The following L3MBTL4 variants were observed in gnomAD, a reference collection of about 807,000 sequenced individuals.
The protein encoded by L3MBTL4 is L3MBTL histone methyl-lysine binding protein 4.
L3MBTL4 carries 70 observed loss-of-function variants against 84.5 expected under a neutral mutation model. That is an observed-to-expected ratio of 0.83 (90% CI 0.68 to 1.01). The LOEUF is 1.01. Ranked by LOEUF, L3MBTL4 falls within the 50% of genes least tolerant of loss-of-function variation. The pLI is 0.00. For missense variants in L3MBTL4, 715 were observed against 754.8 expected, an observed-to-expected ratio of 0.95 and a Z score of 0.62; for synonymous variants, 274 against 259.8, an observed-to-expected ratio of 1.05 and a Z score of -0.52.
chr18:5,990,268 C>T (rs1163642440), intron 16 of L3MBTL4, among the ~76,000 whole-genome samples: 1 of 152,198 alleles, frequency 6.6e-6, no homozygotes, highest in Non-Finnish European at 1.5e-5. Context: ...TCTAAAATGG[C>T]AACTACTTTA....
intron 16 of L3MBTL4, among the ~76,000 whole-genome samples, chr18:6,079,579 A>G (rs2057998015): frequency 6.6e-6 from 1 of 152,242 alleles, no homozygotes; most frequent in Non-Finnish European, 1.5e-5. Context: ...TATTTTTGTA[A>G]GGATGATCCT....
intron 1 of L3MBTL4, among the ~76,000 whole-genome samples, chr18:6,333,186 A>G (rs1333516633): frequency 6.6e-6 from 1 of 152,192 alleles, no homozygotes; most frequent in Non-Finnish European, 1.5e-5. Flanking sequence ...AAGTATGAAA[A>G]CTTTCAAGGG....
At chr18:6,393,720 G>C (rs757248530) in intron 1 of L3MBTL4, among the ~76,000 whole-genome samples, 1 of 152,178 alleles carries the variant, frequency 6.6e-6, no homozygotes, top group African/African-American at 2.4e-5. Context: ...CACAGACGCT[G>C]CTACTGCCCT....
chr18:6,300,994 C>G (rs940538493), intron 4 of L3MBTL4, among the ~76,000 whole-genome samples: 1 of 152,068 alleles, frequency 6.6e-6, no homozygotes, highest in Non-Finnish European at 1.5e-5. Context: ...ATTTAAAGCA[C>G]CACCCATTTG....
chr18:5,976,573 G>A (rs568064225), intron 16 of L3MBTL4, among the ~76,000 whole-genome samples: 28 of 152,282 alleles, frequency 1.8e-4, no homozygotes, highest in African/African-American at 5.5e-4. Flanking sequence ...AACAGAAGGC[G>A]TGAAGACAGG....
At chr18:6,384,747 C>T (rs2054743312) in intron 1 of L3MBTL4, among the ~76,000 whole-genome samples, 2 of 152,192 alleles carry the variant, frequency 1.3e-5, no homozygotes, top group Admixed American at 6.5e-5. Flanking sequence ...AAAAGGATGA[C>T]TTCTCCCTGG....
At chr18:6,229,364 C>G (rs2046903167) in intron 10 of L3MBTL4, among the ~76,000 whole-genome samples, 1 of 151,904 alleles carries the variant, frequency 6.6e-6, no homozygotes, top group East Asian at 1.9e-4. Context: ...CTATATATAC[C>G]CTGGATATTA....
At chr18:6,259,694 G>T (rs1162584430) in intron 5 of L3MBTL4, 1 of 151,052 alleles carries the variant, frequency 6.6e-6, no homozygotes, top group Admixed American at 6.6e-5. Context: ...TTAGATCTTT[G>T]TCATCTGCAT....
At chr18:6,088,854 T>C (rs145154402) in intron 15 of L3MBTL4, among the ~76,000 whole-genome samples, 1,562 of 152,312 alleles carry the variant, frequency 0.01, 26 homozygotes, top group African/African-American at 0.029. Context: ...CCATCCTTTC[T>C]GATTACCACA....
At chr18:6,248,142 T>C (rs956149421) in intron 5 of L3MBTL4, among the ~76,000 whole-genome samples, 1 of 152,228 alleles carries the variant, frequency 6.6e-6, no homozygotes, top group Non-Finnish European at 1.5e-5. Flanking sequence ...TGTTCTGCCC[T>C]CCTGCATCCA....
rs146550559 is a variant in L3MBTL4 at position 6,089,610 on chromosome 18, A to C, written c.1373+3745T>G. On this transcript the variant is annotated intron_variant, in intron 15 of 18. Transcript: ENST00000317931. ...GGATTTTTTTCTACTTATCATCTGC[A>C]TGACCTCAGACACTACCTAACCTCT... Among the ~76,000 whole-genome samples, 6 of 152,320 alleles carry C rather than the reference A, an allele frequency of 3.9e-5. No homozygotes were observed. The East Asian group carries it at 1.2e-3, about 29-fold the overall frequency.
At chr18:6,311,932 T>G in intron 2 of L3MBTL4, 66 bp downstream of exon 2, 1 of 280,848 alleles carries the variant, frequency 3.6e-6, no homozygotes, top group Non-Finnish European at 6.9e-6. Flanking sequence ...AATGTTTGCT[T>G]TTTTGCTTAG....
At chr18:6,061,033 T>C (rs2057200160) in intron 16 of L3MBTL4, among the ~76,000 whole-genome samples, 1 of 152,132 alleles carries the variant, frequency 6.6e-6, no homozygotes, top group Non-Finnish European at 1.5e-5. Context: ...AGAAATGTGA[T>C]TGCTGGATCA....
At chr18:6,127,118 C>T (rs981936878) in intron 14 of L3MBTL4, among the ~76,000 whole-genome samples, 1 of 152,222 alleles carries the variant, frequency 6.6e-6, no homozygotes, top group African/African-American at 2.4e-5. Flanking sequence ...CAATCAGCCA[C>T]TGTAAATTCA....
chr18:6,253,008 C>T (rs941378643), intron 5 of L3MBTL4, among the ~76,000 whole-genome samples: 4 of 152,130 alleles, frequency 2.6e-5, no homozygotes, highest in Non-Finnish European at 5.9e-5. Context: ...TCAAGACCAT[C>T]CTGGCCAACG....
chr18:6,290,742 T>C (rs1288394056), intron 4 of L3MBTL4, among the ~76,000 whole-genome samples: 1 of 151,726 alleles, frequency 6.6e-6, no homozygotes, highest in Non-Finnish European at 1.5e-5. Context: ...TGGCCAGGCT[T>C]GTCTCGAACT....
intron 13 of L3MBTL4, 88 bp from the exon 14 acceptor site, chr18:6,138,384 T>C: frequency 1.3e-6 from 1 of 781,616 alleles, no homozygotes; most frequent in Non-Finnish European, 2.1e-6. Context: ...TAATTAAGAC[T>C]TTACAAATTA....
chr18:6,037,043 T>G (rs2056173599), intron 16 of L3MBTL4, among the ~76,000 whole-genome samples: 1 of 152,188 alleles, frequency 6.6e-6, no homozygotes, highest in South Asian at 2.1e-4. Context: ...CTTCAGTTGG[T>G]GGGGCTTGCA....
chr18:5,979,281 T>C (rs2053102013), intron 16 of L3MBTL4, among the ~76,000 whole-genome samples: 1 of 152,110 alleles, frequency 6.6e-6, no homozygotes, highest in Admixed American at 6.5e-5. Flanking sequence ...GACCCCTGAC[T>C]GAAAAAACTC....
Sources: gnomAD v4.1 joint callset for allele counts (sites outside exome capture counted in the v4.1 genomes callset) on GRCh38, gnomAD v4.1.1 for gene constraint, MANE v1.5 for transcripts, NCBI Gene and HGNC (gene_info 2026-07-23, HGNC 2026-07-21) for gene names.